Variants in EFCAB11 observed in about 807,000 individuals in gnomAD.
EFCAB11 encodes EF-hand calcium binding domain 11, also known as EF-hand calcium-binding domain-containing protein 11.
In EFCAB11, 14 loss-of-function variants were observed where a neutral mutation model predicts 23.0. The observed-to-expected ratio is 0.61, with a 90% CI of 0.40 to 0.95. EFCAB11 has a LOEUF of 0.95. EFCAB11 is among the 40% of genes least tolerant of loss of function. The pLI, the probability that EFCAB11 is intolerant of heterozygous loss-of-function variation, is 0.00. For synonymous variants in EFCAB11, 65 were observed against 66.6 expected, an observed-to-expected ratio of 0.98 and a Z score of 0.11; for missense variants, 198 against 195.8, an observed-to-expected ratio of 1.01 and a Z score of -0.07.
chr14:89,906,586 T>C (rs1203314079), intron 5 of EFCAB11, among the ~76,000 whole-genome samples: 1 of 152,178 alleles, frequency 6.6e-6, no homozygotes, highest in Non-Finnish European at 1.5e-5. Context: ...GTTTTTTACA[T>C]TGAAAAATTG....
intron 2 of EFCAB11, 31 bp from the exon 3 acceptor site, chr14:89,950,173 T>C (rs77780222): frequency 0.029 from 45,118 of 1,538,622 alleles, 1,236 homozygotes; most frequent in African/African-American, 0.11. Flanking sequence ...ATAGAACATG[T>C]AATTTTATCA....
intron 5 of EFCAB11, among the ~76,000 whole-genome samples, chr14:89,896,743 A>G (rs1176353599): frequency 6.6e-6 from 1 of 151,972 alleles, no homozygotes; most frequent in Non-Finnish European, 1.5e-5. Context: ...CAAGCTGGAG[A>G]GCAGTGGCAC....
At chr14:89,883,753 C>T (rs1286947) in intron 5 of EFCAB11, among the ~76,000 whole-genome samples, 103,307 of 152,134 alleles carry the variant, frequency 0.68, 39,298 homozygotes, top group Non-Finnish European at 0.86. Flanking sequence ...TTCTAAACCA[C>T]TTCTCTGTTC....
At chr14:89,834,162 G>T (rs1352984762) in intron 5 of EFCAB11, among the ~76,000 whole-genome samples, 1 of 151,896 alleles carries the variant, frequency 6.6e-6, no homozygotes, top group Non-Finnish European at 1.5e-5. Flanking sequence ...AGACCACAAG[G>T]TCAGGAGATA....
chr14:89,918,663 G>C (rs1386460832), intron 5 of EFCAB11, among the ~76,000 whole-genome samples: 1 of 152,048 alleles, frequency 6.6e-6, no homozygotes, highest in Non-Finnish European at 1.5e-5. Flanking sequence ...AAGATCACCT[G>C]CAAAGCACAG....
intron 5 of EFCAB11, among the ~76,000 whole-genome samples, chr14:89,852,601 G>C (rs575479425): frequency 1.1e-4 from 17 of 152,152 alleles, no homozygotes; most frequent in Non-Finnish European, 2.1e-4. Flanking sequence ...CTTAAAATAA[G>C]TTTCCTATCT....
At chr14:89,854,318 G>A (rs959731695) in intron 5 of EFCAB11, among the ~76,000 whole-genome samples, 2 of 152,060 alleles carry the variant, frequency 1.3e-5, no homozygotes, top group African/African-American at 4.8e-5. Flanking sequence ...AGGAGAGCTG[G>A]GCAGAGAGAG....
chr14:89,892,467 G>A, intron 5 of EFCAB11: 2 of 1,521,936 alleles, frequency 1.3e-6, no homozygotes, highest in South Asian at 1.3e-5. Flanking sequence ...AAGGGTTAAA[G>A]CAGTCCCAGC....
At chr14:89,921,022 G>A (rs982498248) in intron 5 of EFCAB11, among the ~76,000 whole-genome samples, 26 of 147,484 alleles carry the variant, frequency 1.8e-4, no homozygotes, top group Non-Finnish European at 2.8e-4. Flanking sequence ...CCGAGGTCGC[G>A]CCACTGAACT....
intron 5 of EFCAB11, among the ~76,000 whole-genome samples, chr14:89,893,798 C>A (rs1278708966): frequency 5.5e-4 from 79 of 143,580 alleles, no homozygotes; most frequent in African/African-American, 7.4e-4. Flanking sequence ...AACAAACAAA[C>A]AAAAAAAAAG....
intron 5 of EFCAB11, among the ~76,000 whole-genome samples, chr14:89,917,051 T>C (rs1362375001): frequency 7.6e-6 from 1 of 132,054 alleles, no homozygotes; most frequent in Non-Finnish European, 1.6e-5. Context: ...CCTGACATGC[T>C]TCGTGTGTGT....
At chr14:89,878,591 A>T (rs1888511338) in intron 5 of EFCAB11, among the ~76,000 whole-genome samples, 1 of 152,200 alleles carries the variant, frequency 6.6e-6, no homozygotes, top group African/African-American at 2.4e-5. Context: ...TTTTCTCAAA[A>T]TATTCAATTA....
At chr14:89,927,185 T>C (rs1419090811) in intron 5 of EFCAB11, among the ~76,000 whole-genome samples, 1 of 152,216 alleles carries the variant, frequency 6.6e-6, no homozygotes. Flanking sequence ...CTTTGGATTG[T>C]TTTTGTTGTT....
At chr14:89,951,492 TCA>T (rs1360961722) in intron 2 of EFCAB11, among the ~76,000 whole-genome samples, 3 of 152,222 alleles carry the variant, frequency 2.0e-5, no homozygotes, top group Non-Finnish European at 2.9e-5. Flanking sequence ...TTGGTATCTA[TCA>T]CAGTTTTATG....
At chr14:89,937,907 C>T (rs1383733056) in intron 3 of EFCAB11, 2 of 151,524 alleles carry the variant, frequency 1.3e-5, no homozygotes, top group Non-Finnish European at 1.5e-5. Flanking sequence ...GAGAGAGAGA[C>T]TAGAAAGATT....
intron 5 of EFCAB11, among the ~76,000 whole-genome samples, chr14:89,851,319 A>C (rs1311785836): frequency 6.6e-6 from 1 of 152,152 alleles, no homozygotes; most frequent in African/African-American, 2.4e-5. Context: ...CAGCTGCTTT[A>C]TTTGTTCCAC....
chr14:89,908,343 AC>A (rs1889560749), intron 5 of EFCAB11, among the ~76,000 whole-genome samples: 1 of 152,208 alleles, frequency 6.6e-6, no homozygotes, highest in African/African-American at 2.4e-5. Flanking sequence ...AAATGAAGAA[AC>A]TAAGGCACAG....
intron 5 of EFCAB11, among the ~76,000 whole-genome samples, chr14:89,898,168 T>C (rs1889226877): frequency 6.6e-6 from 1 of 152,200 alleles, no homozygotes; most frequent in Admixed American, 6.5e-5. Context: ...TCCTATTCCA[T>C]GCCCACATTC....
chr14:89,925,867 C>T (rs1156839476), intron 5 of EFCAB11, among the ~76,000 whole-genome samples: 2 of 152,002 alleles, frequency 1.3e-5, no homozygotes, highest in Admixed American at 6.6e-5. Context: ...CTTGCTCCGT[C>T]GCCCAGGTTG....
Sources: gnomAD v4.1 joint callset for allele counts (sites outside exome capture counted in the v4.1 genomes callset) on GRCh38, gnomAD v4.1.1 for gene constraint, MANE v1.5 for transcripts, NCBI Gene and HGNC (gene_info 2026-07-23, HGNC 2026-07-21) for gene names.